Variants in DOCK3 observed in about 807,000 individuals in gnomAD.
The protein encoded by DOCK3 is dedicator of cytokinesis 3, also known as dedicator of cytokinesis protein 3.
A neutral mutation model predicts 265.6 loss-of-function variants in DOCK3; 60 were observed. The ratio of observed to expected loss-of-function variants is 0.23; its 90% CI spans 0.18 to 0.28. The LOEUF is 0.28. Ranked by LOEUF, DOCK3 falls within the 10% of genes least tolerant of loss-of-function variation. The probability of loss-of-function intolerance (pLI) is 1.00; values close to 1 mark genes in which losing one functional copy is unlikely to be tolerated. For missense variants in DOCK3, 1,981 were observed against 2,594.3 expected, an observed-to-expected ratio of 0.76 and a Z score of 5.14; for synonymous variants, 881 against 938.0, an observed-to-expected ratio of 0.94 and a Z score of 1.11.
chr3:50,832,960 C>T (rs1338933951), intron 2 of DOCK3, among the ~76,000 whole-genome samples: 1 of 152,146 alleles, frequency 6.6e-6, no homozygotes, highest in Non-Finnish European at 1.5e-5. Context: ...TAAGCTTATC[C>T]TGCATTCCTA....
At chr3:51,152,063 TCTC>T (rs1218693545) in intron 10 of DOCK3, among the ~76,000 whole-genome samples, 3 of 152,196 alleles carry the variant, frequency 2.0e-5, no homozygotes, top group African/African-American at 2.4e-5. Context: ...TTGGGGAAGT[TCTC>T]CTGGATAATA....
At chr3:50,723,013 A>G (rs190934491) in intron 1 of DOCK3, among the ~76,000 whole-genome samples, 33 of 152,196 alleles carry the variant, frequency 2.2e-4, no homozygotes, top group Non-Finnish European at 3.8e-4. Flanking sequence ...AGCTCAAGTG[A>G]TCTGCCTGTC....
chr3:50,728,297 G>A (rs1025903074), intron 1 of DOCK3, among the ~76,000 whole-genome samples: 1 of 152,130 alleles, frequency 6.6e-6, no homozygotes, highest in Non-Finnish European at 1.5e-5. Flanking sequence ...TCCAAAATTT[G>A]TGGGTGCAGT....
rs867847717 is a variant in DOCK3, at chr3:51,249,554, C to G, written c.2184+2747C>G. ...CCGCCCGGTCCGGGAGGGAGGTGGG[C>G]GGGTCAGCCCCCCGCCCGGCCAGCC... On this transcript the variant is annotated intron_variant, in intron 22 of 52. Transcript: ENST00000266037. 1.1e-3 allele frequency among the ~76,000 whole-genome samples: 66 copies of G among 58,018 alleles called. 1 individual carries two copies. Among genetic ancestry groups the G allele is most frequent in the Non-Finnish European group, 1.9e-3 (51 of 26,970 alleles). The allele number at this position is 58,018 out of a possible 152,430, so 38.1% of individuals were successfully genotyped here.
At chr3:51,354,056 GC>G (rs767485965) in intron 40 of DOCK3, among the ~76,000 whole-genome samples, 115 of 152,180 alleles carry the variant, frequency 7.6e-4, no homozygotes, top group Non-Finnish European at 2.2e-4. Context: ...TCTGTACTTA[GC>G]ATGATGTTTA....
chr3:50,691,283 CAAA>C (rs371533246), intron 1 of DOCK3, among the ~76,000 whole-genome samples: 11 of 64,306 alleles, frequency 1.7e-4, no homozygotes, highest in Admixed American at 1.8e-4. Flanking sequence ...GACTCTGTCT[CAAA>C]AAAAAAAAAA....
rs2087931641 is a variant in DOCK3 at position 51,374,456 on chromosome 3, C to T, written c.5294-13C>T. ...CTTGTCATCTGTGCTTGATTGTTCT[C>T]ACTTGGTTACAGGCTCTCCCTCTCT... On this transcript the variant is annotated splice_polypyrimidine_tract_variant and intron_variant, in intron 49 of 52. Transcript: ENST00000266037. The surrounding 1 kb of genome is among the most constrained non-coding windows in gnomAD (Gnocchi z 4.8). 3 of 1,607,696 alleles carry T rather than the reference C, an allele frequency of 1.9e-6. No homozygotes were observed. Among genetic ancestry groups the T allele is most frequent in the East Asian group, 4.5e-5 (2 of 44,542 alleles).
chr3:51,315,199 G>A (rs1327780020), intron 32 of DOCK3, 71 bp downstream of exon 32: 2 of 1,469,430 alleles, frequency 1.4e-6, no homozygotes, highest in African/African-American at 2.9e-5. Flanking sequence ...TGGCCTAGAT[G>A]ACCAAGCCAT....
At chr3:51,234,068 A>G (rs1358677161) in intron 19 of DOCK3, among the ~76,000 whole-genome samples, 2 of 152,156 alleles carry the variant, frequency 1.3e-5, no homozygotes, top group Middle Eastern at 3.2e-3. Context: ...AAACCTCTAT[A>G]CTGTTTTCCA....
intron 5 of DOCK3, among the ~76,000 whole-genome samples, chr3:51,001,251 G>C (rs1262030923): frequency 2.0e-5 from 3 of 152,146 alleles, no homozygotes; most frequent in African/African-American, 7.2e-5. Context: ...CCAATTAGTT[G>C]AAGGCCTAAC....
chr3:51,207,084 G>A (rs2089257451), intron 12 of DOCK3, among the ~76,000 whole-genome samples: 1 of 152,170 alleles, frequency 6.6e-6, no homozygotes, highest in Non-Finnish European at 1.5e-5. Context: ...TGAAGCTATG[G>A]GAATGGGTGA....
chr3:51,207,383 A>G (rs2089277787), intron 12 of DOCK3, among the ~76,000 whole-genome samples: 1 of 152,030 alleles, frequency 6.6e-6, no homozygotes, highest in Non-Finnish European at 1.5e-5. Flanking sequence ...AGGGGAGGTA[A>G]TTTTCAAGGC....
At chr3:51,002,231 G>A (rs1575724655) in intron 5 of DOCK3, among the ~76,000 whole-genome samples, 1 of 152,266 alleles carries the variant, frequency 6.6e-6, no homozygotes, top group South Asian at 2.1e-4. Context: ...TTATAGGCAT[G>A]AGCTATTGTA....
Position 51,112,222 on chromosome 3 carries a change from G to A in DOCK3, c.746+21838G>A, listed in dbSNP as rs187993405. 1.5e-3 allele frequency among the ~76,000 whole-genome samples: 228 copies of A among 152,144 alleles called. 2 individuals are homozygous for A. Among genetic ancestry groups the A allele is most frequent in the Middle Eastern group, 6.8e-3 (2 of 294 alleles). ...TCCCATTACTGGGTACATACCCAGA[G>A]GAATATAAATCATTCTGTTATAAAG... On this transcript the variant is annotated intron_variant, in intron 9 of 52. Coordinates refer to ENST00000266037, the MANE Select transcript of DOCK3 (RefSeq NM_004947.5).
intron 9 of DOCK3, among the ~76,000 whole-genome samples, chr3:51,127,360 C>G (rs1339273215): frequency 2.0e-5 from 3 of 152,134 alleles, no homozygotes; most frequent in Admixed American, 1.3e-4. Flanking sequence ...CAAGTCCACC[C>G]CTTGTCAACT....
At chr3:51,297,847 T>A (rs2082178898) in intron 27 of DOCK3, among the ~76,000 whole-genome samples, 1 of 151,888 alleles carries the variant, frequency 6.6e-6, no homozygotes, top group South Asian at 2.1e-4. Context: ...CCCAGTTTAG[T>A]CCCAGCTAAA....
chr3:50,910,631 A>C (rs2049806497), intron 4 of DOCK3, among the ~76,000 whole-genome samples: 1 of 152,034 alleles, frequency 6.6e-6, no homozygotes, highest in Non-Finnish European at 1.5e-5. Context: ...CTAAGAGCCC[A>C]CTCCATGGGC....
intron 12 of DOCK3, among the ~76,000 whole-genome samples, chr3:51,183,136 G>A (rs1159547604): frequency 6.6e-6 from 1 of 152,154 alleles, no homozygotes; most frequent in East Asian, 1.9e-4. Flanking sequence ...ATGAATTAAA[G>A]TAGTTCATTT....
At chr3:51,201,974 T>C (rs905878405) in intron 12 of DOCK3, among the ~76,000 whole-genome samples, 1 of 152,084 alleles carries the variant, frequency 6.6e-6, no homozygotes, top group African/African-American at 2.4e-5. Context: ...TTGAAACCAA[T>C]GAGAACAAAG....
Sources: gnomAD v4.1 joint callset for allele counts (sites outside exome capture counted in the v4.1 genomes callset) on GRCh38, gnomAD v4.1.1 for gene constraint, Gnocchi (gnomAD v3.1) non-coding constraint, MANE v1.5 for transcripts, NCBI Gene and HGNC (gene_info 2026-07-23, HGNC 2026-07-21) for gene names.